DIP2C: variants seen among roughly 807,000 people sequenced by gnomAD.
DIP2C encodes disco-interacting protein 2 homolog C.
DIP2C carries 33 observed loss-of-function variants against 192.4 expected under a neutral mutation model. That is an observed-to-expected ratio of 0.17 (90% CI 0.13 to 0.23). The LOEUF (loss-of-function observed/expected upper bound fraction) is 0.23, where lower values mean the gene tolerates loss of function less well. DIP2C is among the 10% of genes least tolerant of loss of function. The probability of loss-of-function intolerance (pLI) is 1.00; values close to 1 mark genes in which losing one functional copy is unlikely to be tolerated. For synonymous variants in DIP2C, 979 were observed against 864.1 expected (o/e 1.13, Z -2.33); for missense variants, 1,537 against 2,110.1 (o/e 0.73, Z 5.32).
intron 1 of DIP2C, among the ~76,000 whole-genome samples, chr10:589,359 C>T (rs1489432888): frequency 6.6e-6 from 1 of 152,162 alleles, no homozygotes; most frequent in African/African-American, 2.4e-5. Context: ...TCCTTGTTTT[C>T]TTCCCTATGG....
intron 17 of DIP2C, among the ~76,000 whole-genome samples, chr10:374,628 C>T (rs2132823837): frequency 6.6e-6 from 1 of 152,350 alleles, no homozygotes; most frequent in East Asian, 1.9e-4. Flanking sequence ...CATCTCTGCA[C>T]TCTTGCCAAC....
Position 300,222 on chromosome 10 carries a change from G to A in DIP2C, c.3986+9809C>T, listed in dbSNP as rs143856175. On this transcript the variant is annotated intron_variant, in intron 32 of 36. Transcript: ENST00000280886. Reference sequence around the variant, plus strand: ...TATCTATAAACCCATGTTCACAGCAGCCCAAAGGTGGAAGCAACCCAAGTG... The same window carrying A: ...TATCTATAAACCCATGTTCACAGCAACCCAAAGGTGGAAGCAACCCAAGTG... Among the ~76,000 whole-genome samples, 756 of 152,262 alleles carry A rather than the reference G, an allele frequency of 5.0e-3. 5 individuals carry two copies. Among genetic ancestry groups the A allele is most frequent in the African/African-American group, 0.017 (706 of 41,562 alleles).
At chr10:308,765 A>G (rs1383657952) in intron 32 of DIP2C, among the ~76,000 whole-genome samples, 1 of 152,190 alleles carries the variant, frequency 6.6e-6, no homozygotes, top group Non-Finnish European at 1.5e-5. Context: ...CTGTGCAGCC[A>G]GTGGTTCTGT....
intron 2 of DIP2C, among the ~76,000 whole-genome samples, chr10:485,500 C>T (rs1843951140): frequency 6.6e-6 from 1 of 152,202 alleles, no homozygotes; most frequent in Non-Finnish European, 1.5e-5. Context: ...ACATCACTGT[C>T]TCAAAAATCA....
intron 1 of DIP2C, among the ~76,000 whole-genome samples, chr10:614,688 C>T (rs538629540): frequency 1.3e-5 from 2 of 152,348 alleles, no homozygotes; most frequent in South Asian, 4.1e-4. Context: ...CATAAAGTTC[C>T]TTTCAAGTGT....
At chr10:654,132 A>G (rs1276495996) in intron 1 of DIP2C, among the ~76,000 whole-genome samples, 1 of 152,222 alleles carries the variant, frequency 6.6e-6, no homozygotes, top group East Asian at 1.9e-4. Context: ...ATTCTGCTCC[A>G]TAAACCTTGG....
At chr10:609,014 T>C (rs1479953797) in intron 1 of DIP2C, among the ~76,000 whole-genome samples, 1 of 152,096 alleles carries the variant, frequency 6.6e-6, no homozygotes, top group East Asian at 1.9e-4. Context: ...GAAAACCCTA[T>C]AAGCATGATT....
At chr10:604,649 G>C (rs1852338217) in intron 1 of DIP2C, among the ~76,000 whole-genome samples, 1 of 152,340 alleles carries the variant, frequency 6.6e-6, no homozygotes, top group Non-Finnish European at 1.5e-5. Context: ...AGCTTCTCTT[G>C]ATTATAGTTT....
intron 1 of DIP2C, among the ~76,000 whole-genome samples, chr10:638,055 C>T (rs943323991): frequency 2.0e-5 from 3 of 152,186 alleles, no homozygotes; most frequent in African/African-American, 7.2e-5. Context: ...TTCTGAAGCC[C>T]CCGAGACACA....
chr10:385,421 C>T (rs915211676), intron 14 of DIP2C, among the ~76,000 whole-genome samples: 7 of 152,232 alleles, frequency 4.6e-5, no homozygotes, highest in Admixed American at 6.5e-5. Flanking sequence ...CTTTTTAAGA[C>T]GAAACCTTTG....
intron 1 of DIP2C, among the ~76,000 whole-genome samples, chr10:564,334 G>C (rs1849356599): frequency 6.6e-6 from 1 of 151,948 alleles, no homozygotes. Flanking sequence ...CTCAACCACA[G>C]ATCACCCTCC....
At chr10:446,200 C>T (rs1295069346) in intron 3 of DIP2C, among the ~76,000 whole-genome samples, 2 of 150,802 alleles carry the variant, frequency 1.3e-5, no homozygotes, top group Admixed American at 6.6e-5. Context: ...TTGCACTGGG[C>T]ATCTGTATAC....
At chr10:320,969 G>A (rs1041519128) in intron 31 of DIP2C, among the ~76,000 whole-genome samples, 1 of 151,994 alleles carries the variant, frequency 6.6e-6, no homozygotes, top group Non-Finnish European at 1.5e-5. Context: ...AGCAGGATGA[G>A]GGCAGAGGAG....
At chr10:570,239 A>C (rs1849699863) in intron 1 of DIP2C, among the ~76,000 whole-genome samples, 5 of 152,164 alleles carry the variant, frequency 3.3e-5, no homozygotes, top group Admixed American at 3.3e-4. Context: ...GACACTATGT[A>C]GATCATCTCA....
At chr10:367,877 G>A (rs1258549172) in intron 18 of DIP2C, among the ~76,000 whole-genome samples, 1 of 152,252 alleles carries the variant, frequency 6.6e-6, no homozygotes, top group East Asian at 1.9e-4. Flanking sequence ...ACGGGGTGGG[G>A]GTGCAGGCTT....
intron 9 of DIP2C, among the ~76,000 whole-genome samples, chr10:406,640 T>C (rs1964824707): frequency 6.6e-6 from 1 of 152,182 alleles, no homozygotes; most frequent in Non-Finnish European, 1.5e-5. Context: ...GAAACAAAAC[T>C]GGTAATAGCC....
intron 17 of DIP2C, among the ~76,000 whole-genome samples, chr10:375,414 G>A (rs560949403): frequency 1.3e-5 from 2 of 152,290 alleles, no homozygotes; most frequent in South Asian, 2.1e-4. Flanking sequence ...CTACAGAACT[G>A]TGAGCCAAAA....
chr10:575,672 C>T (rs765118883), intron 1 of DIP2C, among the ~76,000 whole-genome samples: 2 of 152,162 alleles, frequency 1.3e-5, no homozygotes, highest in African/African-American at 2.4e-5. Context: ...AGAGTCCAAG[C>T]TTGCTCAGCA....
chr10:440,211 T>A (rs1308236889), intron 4 of DIP2C, among the ~76,000 whole-genome samples: 1 of 152,232 alleles, frequency 6.6e-6, no homozygotes, highest in African/African-American at 2.4e-5. Flanking sequence ...CAAATATAAA[T>A]GGGCTATTAC....
Sources: allele counts gnomAD v4.1 joint callset (sites outside exome capture counted in the v4.1 genomes callset), GRCh38; gene constraint gnomAD v4.1.1; transcripts MANE v1.5; gene names NCBI Gene and HGNC (gene_info 2026-07-23, HGNC 2026-07-21).